NF1: variants seen among roughly 807,000 people sequenced by gnomAD.
The protein encoded by NF1 is neurofibromin 1.
In NF1, 122 loss-of-function variants were observed where a neutral mutation model predicts 325.7. The observed-to-expected ratio is 0.37, with a 90% CI of 0.32 to 0.44. The LOEUF is 0.44. NF1 is among the 20% of genes least tolerant of loss of function. NF1 has a pLI of 1.00. For missense variants in NF1, 2,140 were observed against 3,415.4 expected, an observed-to-expected ratio of 0.63 and a Z score of 9.31; for synonymous variants, 1,091 against 1,186.0, an observed-to-expected ratio of 0.92 and a Z score of 1.65.
At chr17:31,269,162 A>C (rs990502327) in intron 36 of NF1, among the ~76,000 whole-genome samples, 1 of 152,098 alleles carries the variant, frequency 6.6e-6, no homozygotes, top group Admixed American at 6.6e-5. Flanking sequence ...TCACCAGTTG[A>C]CTACTTCTAG....
chr17:31,205,787 C>T (rs1276684109), intron 11 of NF1, among the ~76,000 whole-genome samples: 1 of 151,954 alleles, frequency 6.6e-6, no homozygotes, highest in Non-Finnish European at 1.5e-5. Context: ...TCCACATACA[C>T]TTTTAATACT....
rs1297679150 is a variant in NF1 at position 31,237,799 on chromosome 17, A to C, written c.3974+1778A>C. Reference sequence around the variant, plus strand: ...AGGTTAAAGAATTACTTAGAGAGTGAACCAGCTGCTTCAAATAAGTTTACT... The same window carrying C: ...AGGTTAAAGAATTACTTAGAGAGTGCACCAGCTGCTTCAAATAAGTTTACT... On this transcript the variant is annotated intron_variant, in intron 29 of 57. Coordinates refer to ENST00000358273, the MANE Select transcript of NF1 (RefSeq NM_001042492.3). Among the ~76,000 whole-genome samples, 5 of 152,224 alleles carry C rather than the reference A, an allele frequency of 3.3e-5. No individual in the cohort carries two copies. In the East Asian group the frequency reaches 5.8e-4, roughly 18 times the overall value.
Position 31,099,589 on chromosome 17 carries a change from C to G in NF1, c.60+4220C>G, listed in dbSNP as rs1467927939. 2.9e-5 allele frequency among the ~76,000 whole-genome samples: 4 copies of G among 135,956 alleles called. 1 individual carries two copies. The South Asian group carries it at 9.4e-4, about 32-fold the overall frequency. The allele number at this position is 135,956 out of a possible 152,430, so 89.2% of individuals were successfully genotyped here. A position where few individuals can be genotyped will look rare whatever the true frequency, so the allele number is the denominator to read the frequency against. ...TTTTTTTTTTTTTGAGACAGAGTTT[C>G]GCTCTTGTCTCCTAGGCTGGAGTGC... is the stretch of plus-strand genomic sequence containing the variant. On this transcript the variant is annotated intron_variant, in intron 1 of 57. Coordinates refer to ENST00000358273, the MANE Select transcript of NF1 (RefSeq NM_001042492.3).
intron 11 of NF1, among the ~76,000 whole-genome samples, chr17:31,205,706 T>C (rs1393789988): frequency 6.6e-6 from 1 of 152,186 alleles, no homozygotes; most frequent in Non-Finnish European, 1.5e-5. Context: ...GTTTACTTAA[T>C]AGTTTTATTT....
At chr17:31,184,779 T>C (rs767350175) in intron 8 of NF1, among the ~76,000 whole-genome samples, 13 of 152,088 alleles carry the variant, frequency 8.5e-5, no homozygotes, top group Non-Finnish European at 1.9e-4. Flanking sequence ...GAGACCCTTA[T>C]CTCCTGTAGA....
At chr17:31,105,704 G>T (rs1912799121) in intron 1 of NF1, among the ~76,000 whole-genome samples, 1 of 152,092 alleles carries the variant, frequency 6.6e-6, no homozygotes, top group African/African-American at 2.4e-5. Flanking sequence ...AGTAGAGACA[G>T]GGTTTCACCA....
intron 36 of NF1, among the ~76,000 whole-genome samples, chr17:31,289,909 G>T (rs1335801687): frequency 4.8e-5 from 7 of 147,076 alleles, no homozygotes; most frequent in Non-Finnish European, 9.0e-5. Flanking sequence ...CCCATCGTTG[G>T]TTTTTTTTTT....
chr17:31,376,709 T>C lies in NF1; in HGVS notation c.*2554T>C, dbSNP rs1311849101. 4.3e-6 allele frequency: 1 copy of C among 229,978 alleles called. No individual in the cohort carries two copies. Among genetic ancestry groups the C allele is most frequent in the Non-Finnish European group, 8.5e-6 (1 of 117,924 alleles). The allele number at this position is 229,978 out of a possible 1,614,324, so 14.2% of individuals were successfully genotyped here. A position where few individuals can be genotyped will look rare whatever the true frequency, so the allele number is the denominator to read the frequency against. ...ATTGACATAAGTTCTGTTAAAAATA[T>C]TATAAGTAATTCGTTTCGGTTTGTA... is the stretch of plus-strand genomic sequence containing the variant. On this transcript the variant is annotated 3_prime_UTR_variant, in exon 58 of 58. Transcript: ENST00000358273.
chr17:31,318,870 T>C (rs779960997), intron 36 of NF1: 1 of 1,614,082 alleles, frequency 6.2e-7, no homozygotes. Context: ...CTGTCTTGTT[T>C]TGAATAACTG....
intron 8 of NF1, chr17:31,183,482 C>T (rs1039479667): frequency 2.0e-5 from 3 of 152,182 alleles, no homozygotes; most frequent in African/African-American, 7.2e-5. Context: ...CCTTGAGAGT[C>T]TGTGATTGCG....
chr17:31,364,968 G>T (rs2070482156), intron 57 of NF1, among the ~76,000 whole-genome samples: 2 of 152,160 alleles, frequency 1.3e-5, no homozygotes, highest in East Asian at 3.8e-4. Flanking sequence ...GTCTAGCTGA[G>T]CTGGACATGA....
chr17:31,206,367 C>T lies in NF1; in HGVS notation c.1388C>T (p.Ala463Val), dbSNP rs2143915522. The T allele has an allele frequency of 6.2e-7, 1 of 1,613,656 alleles. No individual in the cohort carries two copies. ...GGAGCACACCCAGCAATACGAATGG[C>T]ACCGGTAAGATAAATCACGAATTTT... ...GCGAHPAIRM[A>V]PSLTFKEKVT... is the part of the protein sequence containing the mutation. Residue 463 changes from alanine to valine, a missense_variant, in exon 12 of 58, where the codon GCA (alanine) becomes GTA (valine). Transcript: ENST00000358273.
intron 12 of NF1, among the ~76,000 whole-genome samples, chr17:31,208,874 A>G (rs2066671374): frequency 6.6e-6 from 1 of 152,094 alleles, no homozygotes; most frequent in African/African-American, 2.4e-5. Flanking sequence ...GTGGACAACA[A>G]GAGCGAGAAT....
Position 31,327,517 on chromosome 17 carries a change from C to G in NF1, c.5287C>G (p.Gln1763Glu), listed in dbSNP as rs2069375606. ...VSIKVGSTAV[Q>E]VTSAERTKVL... ...TTTCCAGGTTGGTTCTACTGCTGTCCAAGTAACTTCAGCAGAGCGAACAAA... is the reference window on the plus strand; with the variant it reads ...TTTCCAGGTTGGTTCTACTGCTGTCGAAGTAACTTCAGCAGAGCGAACAAA... Residue 1763 changes from glutamine to glutamate, a missense_variant, in exon 38 of 58, where the codon CAA becomes GAA. Gln to Glu is a conservative substitution (Grantham distance 29). Transcript: ENST00000358273. 1 of 1,613,594 alleles carries G rather than the reference C, an allele frequency of 6.2e-7. No homozygotes were observed. The highest frequency in any genetic ancestry group is 8.5e-7 in the Non-Finnish European group (1 of 1,179,884).
rs1597720155 is a variant in NF1, at chr17:31,233,163, G to T, written c.3658G>T (p.Glu1220Ter). The change falls in exon 27 of 58, where the codon GAA becomes TAA. Residue 1220 changes from glutamate (E) to a stop codon, truncating the protein, a stop_gained. Transcript: ENST00000358273. LOFTEE classifies it high-confidence loss of function. ...ELVTMMGDQG[E>*]LPIAMALANV... ...GGTCACAATGATGGGTGATCAAGGA[G>T]AACTCCCTATAGCGATGGCTCTGGC... The T allele has an allele frequency of 6.2e-7, 1 of 1,614,182 alleles. No homozygotes were observed. The highest frequency in any genetic ancestry group is 8.5e-7 in the Non-Finnish European group (1 of 1,180,028).
At position 31,209,582 on chromosome 17, in the gene NF1, C is replaced by T. The variant is rs111353213; in HGVS notation, c.1392+3211C>T. ...AAGGTTATTCTGTACTCCTAGAATT[C>T]GTTTTATTTTTATATCGTTTTGGCA... On this transcript the variant is annotated intron_variant, in intron 12 of 57. Transcript: ENST00000358273. Among the ~76,000 whole-genome samples, 566 of 152,204 alleles carry T rather than the reference C, an allele frequency of 3.7e-3. 6 individuals carry two copies. The highest frequency in any genetic ancestry group is 0.013 in the African/African-American group (538 of 41,528).
At chr17:31,224,369 T>C (rs2066977456) in intron 16 of NF1, among the ~76,000 whole-genome samples, 1 of 152,210 alleles carries the variant, frequency 6.6e-6, no homozygotes, top group Non-Finnish European at 1.5e-5. Flanking sequence ...GAAGCATAGC[T>C]GTGAAAGACC....
At chr17:31,362,974 A>G (rs955863571) in intron 57 of NF1, among the ~76,000 whole-genome samples, 5 of 152,220 alleles carry the variant, frequency 3.3e-5, no homozygotes, top group Non-Finnish European at 7.3e-5. Context: ...ATTGTTTATT[A>G]AAATCAGAAT....
At chr17:31,136,071 T>A (rs1245664860) in intron 1 of NF1, among the ~76,000 whole-genome samples, 3 of 152,098 alleles carry the variant, frequency 2.0e-5, no homozygotes, top group Non-Finnish European at 2.9e-5. Context: ...GGCTCACGCC[T>A]GTAATCCGAA....
Sources: allele counts gnomAD v4.1 joint callset (sites outside exome capture counted in the v4.1 genomes callset), GRCh38; gene constraint gnomAD v4.1.1; transcripts MANE v1.5; gene names NCBI Gene and HGNC (gene_info 2026-07-23, HGNC 2026-07-21).